DNAH2: variants seen among roughly 807,000 people sequenced by gnomAD.
DNAH2 encodes axonemal beta dynein heavy chain 2.
In DNAH2, 323 loss-of-function variants were observed where a neutral mutation model predicts 523.5. The observed-to-expected ratio is 0.62, with a 90% CI of 0.56 to 0.68. The LOEUF (loss-of-function observed/expected upper bound fraction) is 0.68, where lower values mean the gene tolerates loss of function less well. DNAH2 is among the 30% of genes least tolerant of loss of function. The probability of loss-of-function intolerance (pLI) is 0.00; values close to 1 mark genes in which losing one functional copy is unlikely to be tolerated. For missense variants in DNAH2, 4,907 were observed against 5,701.5 expected, an observed-to-expected ratio of 0.86 and a Z score of 4.49; for synonymous variants, 2,093 against 2,177.4, an observed-to-expected ratio of 0.96 and a Z score of 1.08.
chr17:7,801,559 T>C lies in DNAH2; in HGVS notation c.8700-19T>C. The C allele has an allele frequency of 6.2e-7, 1 of 1,613,714 alleles. No homozygotes were observed. The highest frequency in any genetic ancestry group is 8.5e-7 in the Non-Finnish European group (1 of 1,179,742). On this transcript the variant is annotated intron_variant, in intron 56 of 85. Transcript: ENST00000572933. ...GTGTCTGTGCACGGAATTTACAGCC[T>C]CTCCAAACCCCTTCCCAGGAACTGG...
chr17:7,781,607 T>C (rs2076606613), intron 39 of DNAH2, among the ~76,000 whole-genome samples: 1 of 152,260 alleles, frequency 6.6e-6, no homozygotes, highest in South Asian at 2.1e-4. Context: ...AACAAGTCAA[T>C]TGACCTCTCT....
At chr17:7,769,490 T>C (rs1269771015) in intron 24 of DNAH2, among the ~76,000 whole-genome samples, 1 of 152,212 alleles carries the variant, frequency 6.6e-6, no homozygotes, top group African/African-American at 2.4e-5. Context: ...ATACAAAAGA[T>C]TTTATTTTGA....
chr17:7,818,317 C>G lies in DNAH2; in HGVS notation c.10393C>G (p.Arg3465Gly). 2 of 1,613,936 alleles carry G rather than the reference C, an allele frequency of 1.2e-6. No individual in the cohort carries two copies. Among genetic ancestry groups the G allele is most frequent in the Non-Finnish European group, 1.7e-6 (2 of 1,179,982 alleles). Reference sequence around the variant, plus strand: ...TGACCCTTCCGTGGATGCAGGTGGTCGGCTGTTGATGCGCATTGGCGATAA... The same window carrying G: ...TGACCCTTCCGTGGATGCAGGTGGTGGGCTGTTGATGCGCATTGGCGATAA... ...LNKSVARIGGRLLMRIGDKEV... is the reference protein window; with the variant it reads ...LNKSVARIGGGLLMRIGDKEV... Residue 3465 changes from arginine (R) to glycine (G), a missense_variant, in exon 69 of 86, where the codon CGG becomes GGG. Arg to Gly is a moderately radical substitution (Grantham distance 125). This residue lies in a region of DNAH2 where 1,851 missense variants were observed against 2,139.4 expected (regional missense o/e 0.87). Coordinates refer to ENST00000572933, the MANE Select transcript of DNAH2 (RefSeq NM_020877.5).
At chr17:7,774,406 T>C (rs1019462196) in intron 28 of DNAH2, among the ~76,000 whole-genome samples, 1 of 152,184 alleles carries the variant, frequency 6.6e-6, no homozygotes, top group Non-Finnish European at 1.5e-5. Context: ...AGGGATTATT[T>C]CTGGAATTTT....
Position 7,798,822 on chromosome 17 carries a change from C to T in DNAH2, c.8559+104C>T. The T allele has an allele frequency of 2.7e-6, 2 of 743,556 alleles. No individual in the cohort carries two copies. The highest frequency in any genetic ancestry group is 4.6e-5 in the East Asian group (2 of 43,694). The allele number at this position is 743,556 out of a possible 1,614,324, so 46.1% of individuals were successfully genotyped here. On this transcript the variant is annotated intron_variant, in intron 55 of 85. Transcript: ENST00000572933. The surrounding 1 kb of genome is among the most constrained non-coding windows in gnomAD (Gnocchi z 5.5). The stretch of plus-strand genomic sequence containing the variant: ...ATGTGCCACTGGCACACCCCCACTG[C>T]CACACCCCCACTGCCCACCTCAGCC...
At chr17:7,756,138 G>A (rs1174671803) in intron 12 of DNAH2, among the ~76,000 whole-genome samples, 1 of 151,840 alleles carries the variant, frequency 6.6e-6, no homozygotes, top group East Asian at 2.0e-4. Flanking sequence ...TACTCGGGAG[G>A]CTGAGGTGGG....
At chr17:7,809,673 A>G (rs529759056) in intron 63 of DNAH2, among the ~76,000 whole-genome samples, 2 of 152,138 alleles carry the variant, frequency 1.3e-5, no homozygotes, top group Non-Finnish European at 2.9e-5. Flanking sequence ...TGCCAACAAC[A>G]TCATTCATCA....
At chr17:7,794,966 T>G (rs1354432700) in intron 49 of DNAH2, among the ~76,000 whole-genome samples, 1 of 151,954 alleles carries the variant, frequency 6.6e-6, no homozygotes, top group Non-Finnish European at 1.5e-5. Flanking sequence ...TGTTGCCCAG[T>G]CTGGTCTCAA....
At chr17:7,751,572 G>C (rs1185153646) in intron 12 of DNAH2, among the ~76,000 whole-genome samples, 2 of 152,178 alleles carry the variant, frequency 1.3e-5, no homozygotes, top group East Asian at 1.9e-4. Flanking sequence ...CTGATGGCTA[G>C]AGCCATCTCA....
rs2077152703 is a variant in DNAH2, at chr17:7,799,177, CA to C, written c.8635del (p.Ile2879LeufsTer32). 1 of 1,614,138 alleles carries C rather than the reference CA, an allele frequency of 6.2e-7. No individual in the cohort carries two copies. The highest frequency in any genetic ancestry group is 8.5e-7 in the Non-Finnish European group (1 of 1,180,058). ...ESSDSLFAYL[I>X]ERVQNNLHIV... The stretch of plus-strand genomic sequence containing the variant: ...CATCGGACAGCCTCTTCGCCTACCT[CA>C]TTGAACGCGTGCAGAACAACCTGCA... On this transcript the variant is annotated frameshift_variant, in exon 56 of 86. Coordinates refer to ENST00000572933, the MANE Select transcript of DNAH2 (RefSeq NM_020877.5). LOFTEE classifies it high-confidence loss of function.
At position 7,816,468 on chromosome 17, in the gene DNAH2, A is replaced by C; in HGVS notation, c.9730-103A>C. 9 of 1,358,350 alleles carry C rather than the reference A, an allele frequency of 6.6e-6. No individual in the cohort carries two copies. The South Asian group carries it at 1.2e-4, about 18-fold the overall frequency. The allele number at this position is 1,358,350 out of a possible 1,614,324, so 84.1% of individuals were successfully genotyped here. A position where few individuals can be genotyped will look rare whatever the true frequency, so the allele number is the denominator to read the frequency against. On this transcript the variant is annotated intron_variant, in intron 63 of 85. Transcript: ENST00000572933. Reference sequence around the variant, plus strand: ...TAGGCTCAAAGAGATTAATTTAACAAAGCTACAAAATGGCAGCTACAAAAT... The same window carrying C: ...TAGGCTCAAAGAGATTAATTTAACACAGCTACAAAATGGCAGCTACAAAAT...
rs151276197 is a variant in DNAH2, at chr17:7,767,590, C to T, written c.3676-310C>T. ...AAGTCTCCCTATTTCTCCATATCTC[C>T]GTGCCAACACTTATTTACCTTTTTT... On this transcript the variant is annotated intron_variant, in intron 22 of 85. Transcript: ENST00000572933. Among the ~76,000 whole-genome samples the T allele has an allele frequency of 4.6e-3, 697 of 150,972 alleles. 7 individuals carry two copies. The highest frequency in any genetic ancestry group is 0.016 in the African/African-American group (661 of 41,248).
chr17:7,733,724 G>A (rs920107376), intron 5 of DNAH2, among the ~76,000 whole-genome samples: 3 of 151,926 alleles, frequency 2.0e-5, no homozygotes, highest in Non-Finnish European at 4.4e-5. Context: ...TGATCCACCC[G>A]CCTTGGCCGC....
chr17:7,823,711 C>A, intron 74 of DNAH2, 83 bp downstream of exon 74: 10 of 1,580,726 alleles, frequency 6.3e-6, no homozygotes, highest in Non-Finnish European at 8.6e-6. Context: ...GTCCTCCATC[C>A]CCTCTCCCAG....
chr17:7,776,765 C>A lies in DNAH2; in HGVS notation c.4948-14C>A. On this transcript the variant is annotated splice_polypyrimidine_tract_variant and intron_variant, in intron 31 of 85. Coordinates refer to ENST00000572933, the MANE Select transcript of DNAH2 (RefSeq NM_020877.5). ...AGGACAGGGCTTTGGGACGTGGCTT[C>A]TGCACATCCCCAGGTGGTGATCACT... 1 of 1,605,976 alleles carries A rather than the reference C, an allele frequency of 6.2e-7. No individual in the cohort carries two copies. The highest frequency in any genetic ancestry group is 1.1e-5 in the South Asian group (1 of 90,804).
At chr17:7,758,783 G>A in intron 14 of DNAH2, 102 bp from the exon 15 acceptor site, 1 of 1,560,198 alleles carries the variant, frequency 6.4e-7, no homozygotes, top group Non-Finnish European at 8.7e-7. Context: ...GGACTTTTTT[G>A]TGTGTCATCC....
In DNAH2 at chr17:7,768,030, G is replaced by A. The variant is rs542784225; in HGVS notation, c.3806G>A (p.Arg1269His). 2.2e-5 allele frequency: 35 copies of A among 1,614,120 alleles called. No individual in the cohort carries two copies. Among genetic ancestry groups the A allele is most frequent in the South Asian group, 3.3e-5 (3 of 91,080 alleles). ...GAGACCACGGCCCACGGGCTGTTTC[G>A]TCGCCTCACAAAATTAGCCAAAGAG... ...TMETTAHGLFRRLTKLAKEYK... is the reference protein window; with the variant it reads ...TMETTAHGLFHRLTKLAKEYK... Residue 1269 changes from arginine to histidine, a missense_variant, in exon 23 of 86, where the codon CGT (arginine) becomes CAT (histidine). Around this residue, in one of 3 missense-constraint regions of DNAH2, gnomAD observed 2,806 missense variants for 3,190.8 expected, o/e 0.88. Transcript: ENST00000572933.
At chr17:7,742,387 C>T (rs538525638) in intron 11 of DNAH2, among the ~76,000 whole-genome samples, 2 of 152,106 alleles carry the variant, frequency 1.3e-5, no homozygotes, top group Admixed American at 6.6e-5. Flanking sequence ...GCCGAGATCG[C>T]GCCACTGTAC....
rs763183506 is a variant in DNAH2 at position 7,764,252 on chromosome 17, C to T, written c.3315C>T (p.Tyr1105=). 2.4e-5 allele frequency: 39 copies of T among 1,610,950 alleles called. No homozygotes were observed. Among genetic ancestry groups the T allele is most frequent in the Non-Finnish European group, 3.1e-5 (36 of 1,178,514 alleles). ...AGCAATTTGCCATTCTTGAAAAGTA[C>T]GAGGTGCCAGTCGAGGACAGTGTGA... The part of the protein sequence containing the change: ...IHEQFAILEK[Y]EVPVEDSVLE... Residue 1105 remains tyrosine, a synonymous_variant, in exon 20 of 86, where the codon TAC becomes TAT. Transcript: ENST00000572933.
Sources: allele counts gnomAD v4.1 joint callset (sites outside exome capture counted in the v4.1 genomes callset), GRCh38; gene constraint gnomAD v4.1.1; regional missense constraint gnomAD v4.1.1; non-coding constraint Gnocchi (gnomAD v3.1); transcripts MANE v1.5; gene names NCBI Gene and HGNC (gene_info 2026-07-23, HGNC 2026-07-21).